The following AHR variants were observed in gnomAD, a reference collection of about 807,000 sequenced individuals.
AHR encodes the protein aryl hydrocarbon receptor, also known as AH-receptor.
Under a neutral mutation model 86.8 loss-of-function variants are expected in AHR, and 40 were observed. The observed-to-expected ratio is 0.46, with a 90% CI of 0.36 to 0.60. AHR has a LOEUF of 0.60. Among genes scored for constraint, AHR ranks in the 20% least tolerant of loss-of-function variants. The pLI, the probability that AHR is intolerant of heterozygous loss-of-function variation, is 0.00. For synonymous variants in AHR, 398 were observed against 354.9 expected, an observed-to-expected ratio of 1.12 and a Z score of -1.37; for missense variants, 1,001 against 1,011.6, an observed-to-expected ratio of 0.99 and a Z score of 0.14.
chr7:17,328,104 C>T (rs1268810773), intron 4 of AHR, among the ~76,000 whole-genome samples: 2 of 151,610 alleles, frequency 1.3e-5, no homozygotes, highest in African/African-American at 4.8e-5. Flanking sequence ...CTTTCAGGCA[C>T]GTAGGGTCTA....
rs760329013 is a variant in AHR at position 17,339,965 on chromosome 7, T to G, written c.2140T>G (p.Cys714Gly). The change falls in exon 10 of 11, where the codon TGT becomes GGT. Residue 714 changes from cysteine (C) to glycine (G), a missense_variant. Transcript: ENST00000242057. ...GCCTGTATTACCACAACATTCCAAATGTACAGAGCTGGACTACCCTATGGG... is the reference window on the plus strand; with the variant it reads ...GCCTGTATTACCACAACATTCCAAAGGTACAGAGCTGGACTACCCTATGGG... ...NQPVLPQHSKCTELDYPMGSF... is the reference protein window; with the variant it reads ...NQPVLPQHSKGTELDYPMGSF... 2 of 1,614,222 alleles carry G rather than the reference T, an allele frequency of 1.2e-6. No individual in the cohort carries two copies. The highest frequency in any genetic ancestry group is 1.7e-6 in the Non-Finnish European group (2 of 1,180,034).
chr7:17,335,604 A>G (rs750020530), intron 8 of AHR, 41 bp from the exon 9 acceptor site: 1 of 1,502,454 alleles, frequency 6.7e-7, no homozygotes, highest in Non-Finnish European at 9.0e-7. Flanking sequence ...TACTATATTG[A>G]TTTGGGGGTT....
chr7:17,310,355 AT>A (rs1782050118), intron 2 of AHR, among the ~76,000 whole-genome samples: 1 of 152,092 alleles, frequency 6.6e-6, no homozygotes, highest in South Asian at 2.1e-4. Context: ...TTCTTTGAAA[AT>A]CATATATTTA....
intron 3 of AHR, among the ~76,000 whole-genome samples, chr7:17,323,487 A>G (rs1782195320): frequency 1.3e-5 from 2 of 152,082 alleles, no homozygotes; most frequent in Admixed American, 1.3e-4. Flanking sequence ...AATTGATGCC[A>G]TGATTGATTC....
At chr7:17,324,774 C>T (rs1309463057) in intron 3 of AHR, among the ~76,000 whole-genome samples, 1 of 151,312 alleles carries the variant, frequency 6.6e-6, no homozygotes, top group Non-Finnish European at 1.5e-5. Flanking sequence ...TGCACTCCAG[C>T]CCGGGTGACA....
At position 17,339,223 on chromosome 7, in the gene AHR, T is replaced by C; in HGVS notation, c.1398T>C (p.Ser466=). The change falls in exon 10 of 11, where the codon TCT becomes TCC. Residue 466 remains serine (S), a synonymous_variant. Coordinates refer to ENST00000242057, the MANE Select transcript of AHR (RefSeq NM_001621.5). The stretch of plus-strand genomic sequence containing the variant: ...CTGCCATGATGCAACAAGATGAGTC[T>C]ATTTATCTCTATCCTGCTTCAAGTA... ...LLAAMMQQDE[S]IYLYPASSTS... The C allele has an allele frequency of 6.2e-7, 1 of 1,614,220 alleles. No individual in the cohort carries two copies. The highest frequency in any genetic ancestry group is 2.2e-5 in the East Asian group (1 of 44,882).
In AHR at chr7:17,339,226, T is replaced by A. The variant is rs770224139; in HGVS notation, c.1401T>A (p.Ile467=). 6.2e-7 allele frequency: 1 copy of A among 1,614,204 alleles called. No individual in the cohort carries two copies. The highest frequency in any genetic ancestry group is 1.7e-5 in the Admixed American group (1 of 60,032). Residue 467 remains isoleucine (I), a synonymous_variant, in exon 10 of 11, where the codon ATT becomes ATA. Coordinates refer to ENST00000242057, the MANE Select transcript of AHR (RefSeq NM_001621.5). ...LAAMMQQDES[I]YLYPASSTSS... is the part of the protein sequence containing the mutation. ...CCATGATGCAACAAGATGAGTCTAT[T>A]TATCTCTATCCTGCTTCAAGTACTT...
intron 9 of AHR, 102 bp downstream of exon 9, chr7:17,335,888 A>G: frequency 7.8e-7 from 1 of 1,277,730 alleles, no homozygotes; most frequent in Non-Finnish European, 1.1e-6. Flanking sequence ...CTGTAAATAA[A>G]AATTGAAAAG....
rs1192820686 is a variant in AHR at position 17,339,885 on chromosome 7, A to T, written c.2060A>T (p.Tyr687Phe). 1.2e-6 allele frequency: 2 copies of T among 1,614,080 alleles called. No individual in the cohort carries two copies. Among genetic ancestry groups the T allele is most frequent in the African/African-American group, 1.3e-5 (1 of 74,932 alleles). ...CATGGGATCAGTCAAGAGTTCCCCT[A>T]CAAATCTGAAATGGATTCTATGCCT... ...DLHGISQEFP[Y>F]KSEMDSMPYT... The change falls in exon 10 of 11, where the codon TAC becomes TTC. Residue 687 changes from tyrosine (Y) to phenylalanine (F), a missense_variant. Physicochemically the swap from Tyr to Phe is conservative, Grantham distance 22. Transcript: ENST00000242057.
In AHR at chr7:17,299,137, A is replaced by G; in HGVS notation, c.-128A>G. ...GCGCCCACGCCACTGTCCCGAGAGGACGCAGGTGGAGCGGGCGCGGCTTCG... is the reference window on the plus strand; with the variant it reads ...GCGCCCACGCCACTGTCCCGAGAGGGCGCAGGTGGAGCGGGCGCGGCTTCG... On this transcript the variant is annotated 5_prime_UTR_variant, in exon 1 of 11. Coordinates refer to ENST00000242057, the MANE Select transcript of AHR (RefSeq NM_001621.5). 1.0e-6 allele frequency: 1 copy of G among 1,003,176 alleles called. No homozygotes were observed. Among genetic ancestry groups the G allele is most frequent in the Non-Finnish European group, 1.4e-6 (1 of 717,168 alleles). 62.1% of individuals were successfully genotyped at this position (1,003,176 alleles called of 1,614,324 possible).
chr7:17,339,653 A>G lies in AHR; in HGVS notation c.1828A>G (p.Ser610Gly). 2 of 1,614,150 alleles carry G rather than the reference A, an allele frequency of 1.2e-6. No homozygotes were observed. The highest frequency in any genetic ancestry group is 1.7e-6 in the Non-Finnish European group (2 of 1,180,042). ...QQQQSLALNSSCMVQEHLHLE... is the reference protein window; with the variant it reads ...QQQQSLALNSGCMVQEHLHLE... ...GCAACAGTCCTTGGCTCTGAACTCA[A>G]GCTGTATGGTACAGGAACACCTACA... Residue 610 changes from serine to glycine, a missense_variant, in exon 10 of 11, where the codon AGC becomes GGC. Ser to Gly is a moderately conservative substitution (Grantham distance 56). Transcript: ENST00000242057.
chr7:17,330,642 T>G, intron 5 of AHR, 114 bp from the exon 6 acceptor site: 1 of 904,066 alleles, frequency 1.1e-6, no homozygotes, highest in Non-Finnish European at 1.5e-6. Flanking sequence ...AAATGATTTT[T>G]TTGTATTCAG....
rs367940403 is a variant in AHR, at chr7:17,339,314, C to G, written c.1489C>G (p.Gln497Glu). The change falls in exon 10 of 11, where the codon CAA becomes GAA. Residue 497 changes from glutamine (Q) to glutamate (E), a missense_variant. Transcript: ENST00000242057. ...ATCTATGAATGAATGCAGAAATTGG[C>G]AAGATAATACTGCACCGATGGGAAA... The part of the protein sequence containing the change: ...NESMNECRNW[Q>E]DNTAPMGNDT... 5 of 1,613,992 alleles carry G rather than the reference C, an allele frequency of 3.1e-6. No homozygotes were observed. In the African/African-American group the frequency reaches 6.7e-5, roughly 22 times the overall value.
intron 3 of AHR, among the ~76,000 whole-genome samples, chr7:17,325,796 G>T (rs910205986): frequency 6.6e-6 from 1 of 152,162 alleles, no homozygotes; most frequent in Admixed American, 6.5e-5. Flanking sequence ...CCGTTTAGAG[G>T]CTGCAGGGTG....
chr7:17,307,045 A>G (rs1255061331), intron 1 of AHR, among the ~76,000 whole-genome samples: 4 of 152,218 alleles, frequency 2.6e-5, no homozygotes, highest in African/African-American at 4.8e-5. Context: ...TGTAAGACAC[A>G]TAGTAATGCA....
chr7:17,338,941 G>A (rs768722354), intron 9 of AHR, 45 bp from the exon 10 acceptor site: 2 of 1,482,888 alleles, frequency 1.3e-6, no homozygotes, highest in South Asian at 1.4e-5. Flanking sequence ...ATTTTAAAAT[G>A]TTTGATAGAA....
chr7:17,329,238 A>G (rs1187923614), intron 4 of AHR, among the ~76,000 whole-genome samples: 1 of 152,008 alleles, frequency 6.6e-6, no homozygotes, highest in Non-Finnish European at 1.5e-5. Context: ...TGTTTAGGAT[A>G]GAATAAAATA....
chr7:17,344,678 G>C lies in AHR; in HGVS notation c.*1614G>C, dbSNP rs1465506839. The C allele has an allele frequency of 1.4e-5, 2 of 143,700 alleles. No homozygotes were observed. The highest frequency in any genetic ancestry group is 4.0e-4 in the East Asian group (2 of 4,974). The allele number at this position is 143,700 out of a possible 1,614,324, so 8.9% of individuals were successfully genotyped here. ...AGAGTCTTACTCTGCCGCCCAAACTGGAGTGCAGTGGCACAATCTTGGCTC... is the reference window on the plus strand; with the variant it reads ...AGAGTCTTACTCTGCCGCCCAAACTCGAGTGCAGTGGCACAATCTTGGCTC... On this transcript the variant is annotated 3_prime_UTR_variant, in exon 11 of 11. Transcript: ENST00000242057.
At chr7:17,327,369 C>T (rs1371240891) in intron 3 of AHR, among the ~76,000 whole-genome samples, 2 of 151,752 alleles carry the variant, frequency 1.3e-5, no homozygotes, top group Non-Finnish European at 2.9e-5. Flanking sequence ...TTAATGTTCC[C>T]AGTTTAAGAA....
Sources: allele counts gnomAD v4.1 joint callset (sites outside exome capture counted in the v4.1 genomes callset), GRCh38; gene constraint gnomAD v4.1.1; transcripts MANE v1.5; gene names NCBI Gene and HGNC (gene_info 2026-07-23, HGNC 2026-07-21).